Variants in ROBO2 observed in about 807,000 individuals in gnomAD.
ROBO2 encodes the protein roundabout guidance receptor 2.
ROBO2 carries 53 observed loss-of-function variants against 160.8 expected under a neutral mutation model. The observed-to-expected ratio is 0.33, with a 90% CI of 0.26 to 0.41. ROBO2 has a LOEUF of 0.41. Among genes scored for constraint, ROBO2 ranks in the 10% least tolerant of loss-of-function variants. The pLI, the probability that ROBO2 is intolerant of heterozygous loss-of-function variation, is 1.00. For synonymous variants in ROBO2, 664 were observed against 611.7 expected, an observed-to-expected ratio of 1.09 and a Z score of -1.26; for missense variants, 1,577 against 1,722.4, an observed-to-expected ratio of 0.92 and a Z score of 1.49.
chr3:77,536,460 CCT>C (rs2092110724), intron 6 of ROBO2, among the ~76,000 whole-genome samples: 1 of 151,254 alleles, frequency 6.6e-6, no homozygotes. Context: ...TCTTTTTCTT[CCT>C]CTCTCTCTTT....
At chr3:76,838,992 G>T (rs2148452698) in intron 2 of ROBO2, among the ~76,000 whole-genome samples, 1 of 152,186 alleles carries the variant, frequency 6.6e-6, no homozygotes, top group Admixed American at 6.5e-5. Flanking sequence ...ATTTCTTAAA[G>T]ATTTGAACAC....
intron 2 of ROBO2, among the ~76,000 whole-genome samples, chr3:76,042,770 C>A (rs941963786): frequency 6.6e-6 from 1 of 152,024 alleles, no homozygotes; most frequent in African/African-American, 2.4e-5. Context: ...TATGGAAGAA[C>A]ATTGTGAAAC....
intron 2 of ROBO2, among the ~76,000 whole-genome samples, chr3:76,463,802 T>G (rs1355590126): frequency 6.6e-6 from 1 of 152,144 alleles, no homozygotes; most frequent in African/African-American, 2.4e-5. Context: ...AAACACAAAG[T>G]AGCTCACTGG....
intron 2 of ROBO2, among the ~76,000 whole-genome samples, chr3:76,220,444 A>G (rs1703890794): frequency 6.6e-6 from 1 of 152,026 alleles, no homozygotes; most frequent in Admixed American, 6.6e-5. Context: ...CACAGGGATT[A>G]GTGCCTTATA....
chr3:76,249,620 A>G (rs1705857811), intron 2 of ROBO2, among the ~76,000 whole-genome samples: 1 of 152,162 alleles, frequency 6.6e-6, no homozygotes, highest in African/African-American at 2.4e-5. Context: ...GCTTTTAGCT[A>G]TGCCATGTTT....
intron 2 of ROBO2, among the ~76,000 whole-genome samples, chr3:76,676,548 AGT>A (rs1233597061): frequency 6.6e-6 from 1 of 151,724 alleles, no homozygotes; most frequent in African/African-American, 2.4e-5. Flanking sequence ...TGTGTGTGTA[AGT>A]GTGTGTGTGT....
At chr3:76,345,481 A>C (rs1213413245) in intron 2 of ROBO2, among the ~76,000 whole-genome samples, 1 of 149,824 alleles carries the variant, frequency 6.7e-6, no homozygotes, top group African/African-American at 2.5e-5. Context: ...AAATATTTTC[A>C]ACAAGAAAAC....
At chr3:77,034,576 T>C (rs898616636) in intron 2 of ROBO2, among the ~76,000 whole-genome samples, 3 of 152,012 alleles carry the variant, frequency 2.0e-5, no homozygotes, top group Middle Eastern at 3.4e-3. Flanking sequence ...CGTGATAGTA[T>C]TGCAAGGGAG....
intron 2 of ROBO2, among the ~76,000 whole-genome samples, chr3:76,829,658 T>C (rs2066902419): frequency 6.7e-6 from 1 of 150,100 alleles, no homozygotes; most frequent in Admixed American, 6.6e-5. Context: ...TCCTTTTCTT[T>C]CTTTTTTTTT....
At chr3:76,596,666 G>A (rs138978279) in intron 2 of ROBO2, among the ~76,000 whole-genome samples, 2 of 152,222 alleles carry the variant, frequency 1.3e-5, no homozygotes, top group East Asian at 1.9e-4. Context: ...CAGGTAGTAA[G>A]AATATCACAT....
At chr3:76,442,982 A>G (rs531677324) in intron 2 of ROBO2, among the ~76,000 whole-genome samples, 2 of 152,200 alleles carry the variant, frequency 1.3e-5, no homozygotes, top group East Asian at 3.9e-4. Context: ...TATAAAGAAA[A>G]AAGGTTTATT....
intron 2 of ROBO2, among the ~76,000 whole-genome samples, chr3:77,340,824 A>G (rs2066982618): frequency 6.6e-6 from 1 of 152,124 alleles, no homozygotes; most frequent in South Asian, 2.1e-4. Context: ...GCAGCCAGTA[A>G]TGGCTTGATA....
chr3:76,762,882 A>G lies in ROBO2; in HGVS notation c.110-335132A>G, dbSNP rs139298901. Among the ~76,000 whole-genome samples the G allele has an allele frequency of 2.3e-3, 354 of 151,840 alleles. 2 individuals carry two copies. Among genetic ancestry groups the G allele is most frequent in the African/African-American group, 8.1e-3 (335 of 41,518 alleles). On this transcript the variant is annotated intron_variant, in intron 2 of 26. Coordinates refer to the ROBO2 transcript ENST00000487694. ...TTTTCATTTATATTTCAACAATGAC[A>G]AAGTGTAACATTTCCCCAACCTCTT... is the stretch of plus-strand genomic sequence containing the variant.
At chr3:76,318,795 GA>G (rs568155370) in intron 2 of ROBO2, among the ~76,000 whole-genome samples, 142 of 151,864 alleles carry the variant, frequency 9.4e-4, no homozygotes, top group African/African-American at 2.9e-3. Context: ...AAAAAATGGG[GA>G]AAAAATATAA....
At chr3:76,982,753 A>C in intron 2 of ROBO2, among the ~76,000 whole-genome samples, 1 of 152,322 alleles carries the variant, frequency 6.6e-6, no homozygotes. Context: ...AATGACTTCT[A>C]TACATTAAAA....
At chr3:76,768,649 A>G (rs1442282584) in intron 2 of ROBO2, among the ~76,000 whole-genome samples, 1 of 150,612 alleles carries the variant, frequency 6.6e-6, no homozygotes, top group Admixed American at 6.6e-5. Context: ...AAAATGTAAT[A>G]TAATATATAA....
chr3:76,737,368 T>C (rs2093730827), intron 2 of ROBO2, among the ~76,000 whole-genome samples: 1 of 152,114 alleles, frequency 6.6e-6, no homozygotes, highest in East Asian at 1.9e-4. Context: ...CATTCCTCCA[T>C]GCTCAAAGGA....
At chr3:75,944,555 C>T (rs76478060) in intron 2 of ROBO2, among the ~76,000 whole-genome samples, 1 of 151,968 alleles carries the variant, frequency 6.6e-6, no homozygotes, top group African/African-American at 2.4e-5. Flanking sequence ...AAAGGCTGTA[C>T]ACAGTGTTCA....
intron 2 of ROBO2, among the ~76,000 whole-genome samples, chr3:77,343,935 A>G (rs1363567756): frequency 6.6e-6 from 1 of 152,180 alleles, no homozygotes; most frequent in Non-Finnish European, 1.5e-5. Context: ...TTGAGCTCCT[A>G]CTATGTGTCA....
Sources: gnomAD v4.1 joint callset for allele counts (sites outside exome capture counted in the v4.1 genomes callset) on GRCh38, gnomAD v4.1.1 for gene constraint, MANE v1.5 for transcripts, NCBI Gene and HGNC (gene_info 2026-07-23, HGNC 2026-07-21) for gene names.